Variants in DCDC1 observed in about 807,000 individuals in gnomAD.
DCDC1 encodes doublecortin domain containing 1, also known as doublecortin domain-containing protein 1.
A neutral mutation model predicts 178.3 loss-of-function variants in DCDC1; 200 were observed. That is an observed-to-expected ratio of 1.12 (90% CI 1.00 to 1.26). The LOEUF is 1.26. Ranked by LOEUF, DCDC1 falls within the 50% of genes most tolerant of loss-of-function variation. DCDC1 has a pLI of 0.00. For missense variants in DCDC1, 1,983 were observed against 1,749.2 expected (o/e 1.13, Z -2.38); for synonymous variants, 690 against 604.8 (o/e 1.14, Z -2.07).
At position 31,114,418 on chromosome 11, in the gene DCDC1, T is replaced by A. The variant is rs537699879; in HGVS notation, c.1486-4057A>T. ...CTGTGTAGGTTAGAAGGTGGTGCTA[T>A]GTAAAGGAGAAAAAATACATCAGGG... On this transcript the variant is annotated intron_variant, in intron 11 of 38. Transcript: ENST00000684477. 3.3e-5 allele frequency among the ~76,000 whole-genome samples: 5 copies of A among 151,108 alleles called. No homozygotes were observed. The South Asian group carries it at 1.0e-3, about 32-fold the overall frequency.
At chr11:31,014,984 G>C (rs1262010073) in intron 20 of DCDC1, among the ~76,000 whole-genome samples, 1 of 146,362 alleles carries the variant, frequency 6.8e-6, no homozygotes, top group African/African-American at 2.5e-5. Context: ...GTCTCGCTCT[G>C]TCGCCCGGGC....
chr11:31,326,342 G>A (rs7948761), intron 3 of DCDC1, among the ~76,000 whole-genome samples: 41,227 of 151,274 alleles, frequency 0.27, 5,730 homozygotes, highest in African/African-American at 0.32. Flanking sequence ...GGAACAGAGC[G>A]AATAAGTGAA....
intron 3 of DCDC1, among the ~76,000 whole-genome samples, chr11:31,314,228 G>C (rs1202086044): frequency 6.6e-6 from 1 of 152,096 alleles, no homozygotes; most frequent in East Asian, 1.9e-4. Context: ...CCATGATATA[G>C]AAGCATTCTT....
At chr11:31,284,657 T>C (rs1946687830) in intron 7 of DCDC1, among the ~76,000 whole-genome samples, 1 of 151,732 alleles carries the variant, frequency 6.6e-6, no homozygotes, top group Non-Finnish European at 1.5e-5. Flanking sequence ...TTTTTTTTTT[T>C]AAATGGAGTC....
chr11:31,362,637 A>G (rs909092713), intron 1 of DCDC1, among the ~76,000 whole-genome samples: 4 of 152,192 alleles, frequency 2.6e-5, no homozygotes, highest in Admixed American at 2.6e-4. Flanking sequence ...ATCACACCAA[A>G]AAACTCATTA....
At chr11:30,892,644 C>T (rs776912393) in intron 36 of DCDC1, among the ~76,000 whole-genome samples, 174 bp downstream of exon 36, 5 of 152,136 alleles carry the variant, frequency 3.3e-5, no homozygotes, top group Non-Finnish European at 7.4e-5. Flanking sequence ...CACCTTTTCA[C>T]ACATATAAGT....
At chr11:31,079,536 C>T (rs1957058212) in intron 17 of DCDC1, among the ~76,000 whole-genome samples, 1 of 151,958 alleles carries the variant, frequency 6.6e-6, no homozygotes, top group South Asian at 2.1e-4. Flanking sequence ...AGGTGATAAC[C>T]TGGGACTTGT....
intron 37 of DCDC1, among the ~76,000 whole-genome samples, chr11:30,879,980 G>A (rs201131110): frequency 1.2e-4 from 2 of 16,120 alleles, no homozygotes; most frequent in African/African-American, 5.6e-4. Flanking sequence ...TACTGCACAC[G>A]TTTGCTCACT....
At chr11:30,874,801 T>C (rs1461742019) in intron 38 of DCDC1, among the ~76,000 whole-genome samples, 2 of 152,286 alleles carry the variant, frequency 1.3e-5, no homozygotes, top group South Asian at 4.1e-4. Context: ...ATCAGTTTCC[T>C]ACATTGAAAT....
At chr11:31,315,558 G>A (rs1336925193) in intron 3 of DCDC1, among the ~76,000 whole-genome samples, 3 of 150,476 alleles carry the variant, frequency 2.0e-5, no homozygotes, top group South Asian at 2.1e-4. Context: ...GGATGGTCTC[G>A]ATCTCCTGAC....
At position 31,064,540 on chromosome 11, in the gene DCDC1, C is replaced by T. The variant is rs1295388865; in HGVS notation, c.2520G>A (p.Glu840=). ...GTGCTACTGTCAGCTCCCCCGTCTC[C>T]TCAAGAGAACCTTCTGGCATTAAAT... The part of the protein sequence containing the change: ...DTHLMPEGSL[E]ETGELTVALV... Residue 840 remains glutamate, a synonymous_variant, in exon 20 of 39, where the codon GAG becomes GAA. Coordinates refer to ENST00000684477, the MANE Select transcript of DCDC1 (RefSeq NM_001387274.1). 1 of 765,848 alleles carries T rather than the reference C, an allele frequency of 1.3e-6. No individual in the cohort carries two copies. Among genetic ancestry groups the T allele is most frequent in the Non-Finnish European group, 2.4e-6 (1 of 417,606 alleles). The allele number at this position is 765,848 out of a possible 1,614,324, so 47.4% of individuals were successfully genotyped here.
intron 16 of DCDC1, among the ~76,000 whole-genome samples, chr11:31,092,106 A>G (rs746663283): frequency 9.2e-5 from 14 of 152,216 alleles, no homozygotes; most frequent in Non-Finnish European, 1.8e-4. Context: ...AGTGACAACC[A>G]TAGAGAAATT....
intron 20 of DCDC1, among the ~76,000 whole-genome samples, chr11:31,027,443 G>T (rs1565197085): frequency 6.6e-6 from 1 of 151,840 alleles, no homozygotes; most frequent in Non-Finnish European, 1.5e-5. Flanking sequence ...TCTTTGTCAT[G>T]CAGGAAATGA....
At chr11:31,290,879 C>A (rs1279096967) in intron 6 of DCDC1, 27 bp from the exon 7 acceptor site, 2 of 1,594,186 alleles carry the variant, frequency 1.3e-6, no homozygotes, top group South Asian at 1.1e-5. Flanking sequence ...TAAGTCAAGT[C>A]AATATTTGGC....
rs778565534 is a variant in DCDC1, at chr11:30,864,316, C to T, written c.*1057G>A. ...GTTTCTTCAAACTTGGGATTTGAAA[C>T]CAATATGTATAATCATCAAAGATAT... On this transcript the variant is annotated 3_prime_UTR_variant, in exon 39 of 39. Transcript: ENST00000684477. The T allele has an allele frequency of 2.0e-5, 3 of 152,166 alleles. No homozygotes were observed. The highest frequency in any genetic ancestry group is 7.2e-5 in the African/African-American group (3 of 41,428). 9.4% of individuals were successfully genotyped at this position (152,166 alleles called of 1,614,324 possible).
chr11:31,051,126 T>C (rs1955219987), intron 20 of DCDC1, among the ~76,000 whole-genome samples: 1 of 152,080 alleles, frequency 6.6e-6, no homozygotes, highest in South Asian at 2.1e-4. Flanking sequence ...AATAGATAGC[T>C]TAAAAAAAAT....
intron 34 of DCDC1, among the ~76,000 whole-genome samples, chr11:30,897,985 G>A (rs1237001072): frequency 6.6e-6 from 1 of 152,172 alleles, no homozygotes; most frequent in Non-Finnish European, 1.5e-5. Flanking sequence ...GAATGAGTAG[G>A]AGCGACCTAA....
At chr11:30,928,291 T>C (rs1311040301) in intron 22 of DCDC1, among the ~76,000 whole-genome samples, 1 of 152,086 alleles carries the variant, frequency 6.6e-6, no homozygotes, top group Non-Finnish European at 1.5e-5. Context: ...CAGATGCAGA[T>C]GCCCAATCTT....
At chr11:30,873,598 T>A (rs928602914) in intron 38 of DCDC1, among the ~76,000 whole-genome samples, 3 of 152,102 alleles carry the variant, frequency 2.0e-5, no homozygotes, top group Non-Finnish European at 4.4e-5. Context: ...ATTTTCACAC[T>A]CTTGGGTGAG....
Sources: gnomAD v4.1 joint callset for allele counts (sites outside exome capture counted in the v4.1 genomes callset) on GRCh38, gnomAD v4.1.1 for gene constraint, MANE v1.5 for transcripts, NCBI Gene and HGNC (gene_info 2026-07-23, HGNC 2026-07-21) for gene names.